The following SEMA3A variants were observed in gnomAD, a reference collection of about 807,000 sequenced individuals.
The protein encoded by SEMA3A is semaphorin-3A.
Under a neutral mutation model 97.9 loss-of-function variants are expected in SEMA3A, and 29 were observed. That is an observed-to-expected ratio of 0.30 (90% CI 0.22 to 0.40). The LOEUF (loss-of-function observed/expected upper bound fraction) is 0.40, where lower values mean the gene tolerates loss of function less well. SEMA3A is among the 10% of genes least tolerant of loss of function. SEMA3A has a pLI of 1.00. For synonymous variants in SEMA3A, 321 were observed against 323.7 expected, an observed-to-expected ratio of 0.99 and a Z score of 0.09; for missense variants, 763 against 951.3, an observed-to-expected ratio of 0.80 and a Z score of 2.60.
upstream of SEMA3A, among the ~76,000 whole-genome samples, chr7:84,197,143 T>C (rs1313598713): frequency 6.6e-6 from 1 of 152,118 alleles, no homozygotes; most frequent in Non-Finnish European, 1.5e-5. Context: ...ATAATTTAAA[T>C]TAATGTTGAC....
At chr7:84,231,708 C>T (rs903992286) in intron 3 of SEMA3A, among the ~76,000 whole-genome samples, 6 of 151,834 alleles carry the variant, frequency 4.0e-5, no homozygotes, top group Admixed American at 1.3e-4. Context: ...AAAAACTAAT[C>T]CTGTAAAATA....
At chr7:84,033,125 T>G (rs1052833964) in intron 6 of SEMA3A, among the ~76,000 whole-genome samples, 3 of 152,196 alleles carry the variant, frequency 2.0e-5, no homozygotes, top group African/African-American at 7.2e-5. Flanking sequence ...CATTAGTCTT[T>G]GTGTGGTTCC....
intron 15 of SEMA3A, among the ~76,000 whole-genome samples, chr7:83,976,475 T>A (rs905062444): frequency 6.6e-6 from 1 of 152,088 alleles, no homozygotes; most frequent in Non-Finnish European, 1.5e-5. Context: ...TGGCATAATG[T>A]TTCAATTATG....
intron 1 of SEMA3A, among the ~76,000 whole-genome samples, chr7:84,480,504 T>C (rs973667804): frequency 5.9e-5 from 9 of 152,200 alleles, no homozygotes; most frequent in Admixed American, 6.5e-5. Flanking sequence ...CAGAAATTCA[T>C]AGTGAATTTT....
At chr7:84,121,604 C>A (rs13238365) in intron 3 of SEMA3A, among the ~76,000 whole-genome samples, 32,031 of 50,648 alleles carry the variant, frequency 0.63, 10,903 homozygotes, top group East Asian at 0.85. Context: ...TTAATCCAGT[C>A]TATCATTGAT....
At chr7:84,299,284 ATATC>A (rs1217519578) in intron 3 of SEMA3A, among the ~76,000 whole-genome samples, 39,082 of 128,642 alleles carry the variant, frequency 0.3, 7,353 homozygotes, top group Non-Finnish European at 0.41. Context: ...CTCCATATAT[ATATC>A]TATCTCCATA....
intron 2 of SEMA3A, among the ~76,000 whole-genome samples, chr7:84,368,048 A>C (rs193213428): frequency 6.6e-6 from 1 of 151,422 alleles, no homozygotes; most frequent in Admixed American, 6.6e-5. Context: ...ACTTGAGTAT[A>C]TAAGTGAGCA....
At chr7:84,319,913 A>G (rs1801606205) in intron 2 of SEMA3A, among the ~76,000 whole-genome samples, 1 of 152,148 alleles carries the variant, frequency 6.6e-6, no homozygotes, top group East Asian at 1.9e-4. Context: ...TATATTTTAT[A>G]TTACGCATTT....
chr7:84,134,986 T>C (rs1451995332), intron 1 of SEMA3A, 35 bp from the exon 2 acceptor site: 7 of 1,586,218 alleles, frequency 4.4e-6, no homozygotes, highest in Non-Finnish European at 5.2e-6. Flanking sequence ...TGGGTATTAA[T>C]GTGAAGCACT....
chr7:84,070,007 A>G (rs1031346706), intron 4 of SEMA3A, among the ~76,000 whole-genome samples: 2 of 152,138 alleles, frequency 1.3e-5, no homozygotes, highest in African/African-American at 2.4e-5. Flanking sequence ...ATTGCTACCC[A>G]GTGGATTTCT....
chr7:84,307,109 T>A (rs948207367), intron 3 of SEMA3A: 4 of 152,100 alleles, frequency 2.6e-5, no homozygotes, highest in African/African-American at 9.7e-5. Context: ...TTTTTAAAAA[T>A]TATCTTATAA....
At chr7:84,038,586 G>A (rs1241328639) in intron 6 of SEMA3A, among the ~76,000 whole-genome samples, 2 of 152,044 alleles carry the variant, frequency 1.3e-5, no homozygotes, top group Admixed American at 6.6e-5. Flanking sequence ...AGTTGCCGAA[G>A]TCAGACAGTA....
chr7:84,044,795 A>C (rs187720554), intron 6 of SEMA3A, among the ~76,000 whole-genome samples: 141 of 152,098 alleles, frequency 9.3e-4, no homozygotes, highest in Admixed American at 1.8e-3. Flanking sequence ...GGGATAAGTA[A>C]GATTTCAGCT....
intron 15 of SEMA3A, among the ~76,000 whole-genome samples, chr7:83,970,567 T>C (rs140449442): frequency 6.6e-5 from 10 of 152,320 alleles, no homozygotes; most frequent in African/African-American, 1.4e-4. Flanking sequence ...TGGATGAGGT[T>C]GTGAACCATA....
rs944504524 is a variant in SEMA3A at position 84,209,420 on chromosome 7, A to G, written c.-82-14752T>C. Reference sequence around the variant, plus strand: ...GAGGCAGTACAGTATGATGAGGGAAACCCAACCTGAGTCCTATTTCCAGTT... The same window carrying G: ...GAGGCAGTACAGTATGATGAGGGAAGCCCAACCTGAGTCCTATTTCCAGTT... On this transcript the variant is annotated intron_variant, in intron 3 of 3. Coordinates refer to the SEMA3A transcript ENST00000424555. 2.0e-5 allele frequency among the ~76,000 whole-genome samples: 3 copies of G among 152,234 alleles called. No individual in the cohort carries two copies. The East Asian group carries it at 5.8e-4, about 29-fold the overall frequency.
chr7:83,961,625 T>C lies in SEMA3A; in HGVS notation c.2062A>G (p.Thr688Ala), dbSNP rs318240751. 251 of 1,614,040 alleles carry C rather than the reference T, an allele frequency of 1.6e-4. 1 individual carries two copies. Among genetic ancestry groups the C allele is most frequent in the South Asian group, 9.1e-4 (83 of 91,070 alleles). The change falls in exon 17 of 17, where the codon ACC (threonine) becomes GCC (alanine). Residue 688 changes from threonine (T) to alanine (A), a missense_variant. Transcript: ENST00000265362. ...HKDDDGDGSK[T>A]KEMSNSMTPS... ...GTCATGCTATTGGACATTTCTTTGG[T>C]CTTAGAGCCATCTCCATCATCATCT...
intron 3 of SEMA3A, among the ~76,000 whole-genome samples, chr7:84,252,446 A>C (rs990514846): frequency 2.6e-5 from 4 of 152,248 alleles, no homozygotes; most frequent in African/African-American, 9.6e-5. Flanking sequence ...TGAGTCTGCT[A>C]TAGCACACAC....
rs939704518 is a variant in SEMA3A, at chr7:84,430,525, T to C, written c.-245-58625A>G. Among the ~76,000 whole-genome samples, 6 of 152,178 alleles carry C rather than the reference T, an allele frequency of 3.9e-5. No homozygotes were observed. The East Asian group carries it at 1.2e-3, about 29-fold the overall frequency. ...AAATTATTGCAAACTCATAAGTATC[T>C]AACATGGTCAGTTTAGACATGTACT... On this transcript the variant is annotated intron_variant, in intron 1 of 3. Coordinates refer to the SEMA3A transcript ENST00000424555.
intron 1 of SEMA3A, among the ~76,000 whole-genome samples, chr7:84,138,670 C>T (rs1471215177): frequency 6.6e-6 from 1 of 152,092 alleles, no homozygotes; most frequent in African/African-American, 2.4e-5. Flanking sequence ...CAGCTGTCTT[C>T]CACTGCTTTC....
Sources: allele counts gnomAD v4.1 joint callset (sites outside exome capture counted in the v4.1 genomes callset), GRCh38; gene constraint gnomAD v4.1.1; transcripts MANE v1.5; gene names NCBI Gene and HGNC (gene_info 2026-07-23, HGNC 2026-07-21).